ASB10: variants seen among roughly 807,000 people sequenced by gnomAD.
The protein encoded by ASB10 is ankyrin repeat and SOCS box containing 10.
Under a neutral mutation model 35.4 loss-of-function variants are expected in ASB10, and 44 were observed. The observed-to-expected ratio is 1.24, with a 90% confidence interval of 0.98 to 1.60. The LOEUF is 1.60. Ranked by LOEUF, ASB10 falls within the 40% of genes most tolerant of loss-of-function variation. ASB10 has a pLI of 0.00. For synonymous variants in ASB10, 294 were observed against 280.4 expected (o/e 1.05, Z -0.49); for missense variants, 647 against 634.3 (o/e 1.02, Z -0.22).
At position 151,187,163 on chromosome 7, in the gene ASB10, A is replaced by G. The variant is rs1371511595; in HGVS notation, c.-33T>C. ...GGGAAAGGGGAGTGGGGAGGAGGAG[A>G]GGTATATGCCAAAGGCAGAGAGAGA... On this transcript the variant is annotated 5_prime_UTR_variant, in exon 1 of 6. Transcript: ENST00000420175. This position sits in a 1 kb window ranked among gnomAD's most constrained non-coding sequence, Gnocchi z 5.3. The G allele has an allele frequency of 6.4e-7, 1 of 1,558,172 alleles. No homozygotes were observed. The highest frequency in any genetic ancestry group is 8.7e-7 in the Non-Finnish European group (1 of 1,150,698).
At position 151,187,019 on chromosome 7, in the gene ASB10, G is replaced by T; in HGVS notation, c.112C>A (p.His38Asn). ...ATGGGTCCCGGGCCAGACTTGAGGT[G>T]CTCCTCAGACCCTCTGCTGGGCTTC... ...VEKPSRGSEE[H>N]LKSGPGPIVT... The change falls in exon 1 of 6, where the codon CAC becomes AAC. Residue 38 changes from histidine (H) to asparagine (N), a missense_variant. By Grantham distance (68) the His-to-Asn change is moderately conservative. Coordinates refer to ENST00000420175, the MANE Select transcript of ASB10 (RefSeq NM_001142459.2). This position sits in a 1 kb window ranked among gnomAD's most constrained non-coding sequence, Gnocchi z 5.3. 1.9e-6 allele frequency: 3 copies of T among 1,610,752 alleles called. No homozygotes were observed. The highest frequency in any genetic ancestry group is 1.1e-5 in the South Asian group (1 of 90,720).
intron 2 of ASB10, among the ~76,000 whole-genome samples, chr7:151,183,726 C>T (rs1801535805): frequency 6.6e-6 from 1 of 152,190 alleles, no homozygotes; most frequent in Non-Finnish European, 1.5e-5. Flanking sequence ...GCTGGGATTA[C>T]AGGTGCCCGC....
At chr7:151,182,482 G>C (rs1358207635) in intron 2 of ASB10, among the ~76,000 whole-genome samples, 2 of 152,184 alleles carry the variant, frequency 1.3e-5, no homozygotes, top group African/African-American at 4.8e-5. Context: ...GGAGGCTGAG[G>C]CAGGAGAATC....
In ASB10 at chr7:151,176,561, A is replaced by G. The variant is rs1801392297; in HGVS notation, c.1218+2T>C. Reference sequence around the variant, plus strand: ...TCTATGTTCAGGGCCTTGGAATCTGACCTGCAGAGTTTCAGGAGTCACCAG... The same window carrying G: ...TCTATGTTCAGGGCCTTGGAATCTGGCCTGCAGAGTTTCAGGAGTCACCAG... On this transcript the variant is annotated splice_donor_variant, in intron 4 of 5. Coordinates refer to ENST00000420175, the MANE Select transcript of ASB10 (RefSeq NM_001142459.2). LOFTEE classifies it high-confidence loss of function. 1 of 1,549,908 alleles carries G rather than the reference A, an allele frequency of 6.5e-7. No individual in the cohort carries two copies. The highest frequency in any genetic ancestry group is 8.7e-7 in the Non-Finnish European group (1 of 1,145,818).
At chr7:151,186,720 G>A in intron 1 of ASB10, 61 bp from the exon 2 acceptor site, 1 of 1,552,568 alleles carries the variant, frequency 6.4e-7, no homozygotes, top group Non-Finnish European at 8.7e-7. Context: ...CCAGCCAATG[G>A]GGTGAGGTGG....
rs1298224828 is a variant in ASB10 at position 151,181,369 on chromosome 7, A to G, written c.674T>C (p.Leu225Pro). Residue 225 changes from leucine (L) to proline (P), a missense_variant, in exon 3 of 6, where the codon CTT (leucine) becomes CCT (proline). Physicochemically the swap from Leu to Pro is moderately conservative, Grantham distance 98. Coordinates refer to ENST00000420175, the MANE Select transcript of ASB10 (RefSeq NM_001142459.2). ...EETPLHVAAR[L>P]GHVELADLLL... Reference sequence around the variant, plus strand: ...CAGATCTGCCAGCTCCACATGGCCAAGCCGGGCGGCCACATGCAAAGGGGT... The same window carrying G: ...CAGATCTGCCAGCTCCACATGGCCAGGCCGGGCGGCCACATGCAAAGGGGT... The G allele has an allele frequency of 6.2e-7, 1 of 1,612,914 alleles. No homozygotes were observed. The highest frequency in any genetic ancestry group is 2.2e-5 in the East Asian group (1 of 44,882).
chr7:151,181,204 A>AG lies in ASB10; in HGVS notation c.838dup (p.Leu280ProfsTer9), dbSNP rs1275620372. ...ATCAGCGTCTGCTCCAGCTGAAAGC[A>AG]GCAAGCTGCACAGCTGCAGGCAGCG... On this transcript the variant is annotated frameshift_variant, in exon 3 of 6. Coordinates refer to ENST00000420175, the MANE Select transcript of ASB10 (RefSeq NM_001142459.2). LOFTEE classifies it high-confidence loss of function. 1.2e-6 allele frequency: 2 copies of AG among 1,612,616 alleles called. No individual in the cohort carries two copies. The highest frequency in any genetic ancestry group is 3.3e-5 in the Admixed American group (2 of 60,002).
chr7:151,187,437 C>T (rs1801623006), upstream of ASB10: 3 of 1,551,050 alleles, frequency 1.9e-6, no homozygotes, highest in South Asian at 2.4e-5. The surrounding 1 kb of genome is among the most constrained non-coding windows in gnomAD (Gnocchi z 5.3). Flanking sequence ...TCAGCAACCC[C>T]CAGATGCCCC....
chr7:151,180,473 C>G (rs543351729), intron 3 of ASB10, among the ~76,000 whole-genome samples: 1 of 152,248 alleles, frequency 6.6e-6, no homozygotes, highest in Admixed American at 6.5e-5. Flanking sequence ...TGGACAGCCT[C>G]TCCTGCATCT....
chr7:151,184,601 G>T (rs1014366775), intron 2 of ASB10, among the ~76,000 whole-genome samples: 1 of 152,180 alleles, frequency 6.6e-6, no homozygotes, highest in Non-Finnish European at 1.5e-5. Context: ...ACAGGGTGGG[G>T]TGGGTGGTTA....
chr7:151,178,277 T>A (rs969276515), intron 3 of ASB10, among the ~76,000 whole-genome samples: 2 of 150,940 alleles, frequency 1.3e-5, no homozygotes, highest in Non-Finnish European at 2.9e-5. Context: ...GTCAGGGGAC[T>A]GAGCATGGTT....
intron 2 of ASB10, among the ~76,000 whole-genome samples, chr7:151,185,771 G>A (rs1261579065): frequency 6.6e-6 from 1 of 152,212 alleles, no homozygotes; most frequent in African/African-American, 2.4e-5. Context: ...TCACTGCAAA[G>A]GACTATTCCC....
At chr7:151,178,766 T>C (rs1348669081) in intron 3 of ASB10, among the ~76,000 whole-genome samples, 2 of 152,150 alleles carry the variant, frequency 1.3e-5, no homozygotes, top group Non-Finnish European at 2.9e-5. Flanking sequence ...GGCCTCTGCT[T>C]CTAGCCCTGC....
At chr7:151,181,778 A>C (rs1801500409) in intron 2 of ASB10, among the ~76,000 whole-genome samples, 1 of 151,922 alleles carries the variant, frequency 6.6e-6, no homozygotes, top group Non-Finnish European at 1.5e-5. Context: ...ACGCCCGGCT[A>C]GTTTTTTGTG....
rs758297356 is a variant in ASB10, at chr7:151,186,981, T to A, written c.150A>T (p.Thr50=). ...AGAAGGCAAGGGCAGGTCCTGAGGC[T>A]GTGCGGGTGACGATGGGTCCCGGGC... ...KSGPGPIVTR[T]ASGPALAFWQ... Residue 50 remains threonine, a synonymous_variant, in exon 1 of 6, where the codon ACA becomes ACT. Transcript: ENST00000420175. 6.2e-7 allele frequency: 1 copy of A among 1,612,816 alleles called. No individual in the cohort carries two copies. Among genetic ancestry groups the A allele is most frequent in the South Asian group, 1.1e-5 (1 of 90,992 alleles).
At chr7:151,177,879 T>A (rs1389600321) in intron 3 of ASB10, among the ~76,000 whole-genome samples, 2 of 152,208 alleles carry the variant, frequency 1.3e-5, no homozygotes, top group African/African-American at 4.8e-5. Flanking sequence ...GTCCTCGTCA[T>A]CCAAGAGCTT....
chr7:151,176,590 G>C lies in ASB10; in HGVS notation c.1191C>G (p.Val397=). The C allele has an allele frequency of 6.4e-7, 1 of 1,551,326 alleles. No individual in the cohort carries two copies. The highest frequency in any genetic ancestry group is 8.7e-7 in the Non-Finnish European group (1 of 1,146,934). ...YSVVQLPEEA[V]GLVTPETLQK... ...GCAGAGTTTCAGGAGTCACCAGGCCGACGGCCTCCTCGGGAAGCTGCACAA... is the reference window on the plus strand; with the variant it reads ...GCAGAGTTTCAGGAGTCACCAGGCCCACGGCCTCCTCGGGAAGCTGCACAA... Residue 397 remains valine (V), a synonymous_variant, in exon 4 of 6, where the codon GTC becomes GTG. Transcript: ENST00000420175.
upstream of ASB10, chr7:151,187,267 C>T (rs1320703214): frequency 2.0e-6 from 3 of 1,513,374 alleles, no homozygotes; most frequent in Non-Finnish European, 2.7e-6. This position sits in a 1 kb window ranked among gnomAD's most constrained non-coding sequence, Gnocchi z 5.3. Flanking sequence ...GCCACGCATC[C>T]AGCAGGAGCT....
At chr7:151,183,106 C>T (rs764470701) in intron 2 of ASB10, among the ~76,000 whole-genome samples, 49 of 152,140 alleles carry the variant, frequency 3.2e-4, no homozygotes, top group Non-Finnish European at 6.2e-4. Context: ...GTGGCTAATC[C>T]TAACTGAGAT....
Sources: allele counts gnomAD v4.1 joint callset (sites outside exome capture counted in the v4.1 genomes callset), GRCh38; gene constraint gnomAD v4.1.1; non-coding constraint Gnocchi (gnomAD v3.1); transcripts MANE v1.5; gene names NCBI Gene and HGNC (gene_info 2026-07-23, HGNC 2026-07-21).